TIGAR: variants seen among roughly 807,000 people sequenced by gnomAD.
The protein encoded by TIGAR is TP53 induced glycolysis regulatory phosphatase, also known as fructose-2,6-bisphosphatase TIGAR.
Under a neutral mutation model 17.9 loss-of-function variants are expected in TIGAR, and 7 were observed. That is an observed-to-expected ratio of 0.39 (90% CI 0.22 to 0.73). The LOEUF (loss-of-function observed/expected upper bound fraction) is 0.73. Among genes scored for constraint, TIGAR ranks in the 30% least tolerant of loss-of-function variants. The pLI, the probability that TIGAR is intolerant of heterozygous loss-of-function variation, is 0.42. For missense variants in TIGAR, 258 were observed against 327.4 expected (o/e 0.79, Z 1.64); for synonymous variants, 94 against 108.6 (o/e 0.87, Z 0.84).
intron 2 of TIGAR, among the ~76,000 whole-genome samples, chr12:4,336,204 C>T (rs577839101): frequency 3.4e-4 from 51 of 152,188 alleles, no homozygotes; most frequent in African/African-American, 1.2e-3. Context: ...TTTATTTTAC[C>T]ACAGGCCTGA....
chr12:4,359,451 G>A lies in TIGAR; in HGVS notation c.*6760G>A, dbSNP rs1591669393. Among the ~76,000 whole-genome samples, 1 of 151,782 alleles carries A rather than the reference G, an allele frequency of 6.6e-6. No individual in the cohort carries two copies. On this transcript the variant is annotated 3_prime_UTR_variant, in exon 6 of 6. Transcript: ENST00000179259. ...TCAGCTTTTTCTCTAAAGAGCCCTGGTTCTTTGGAAATGAAATGAAAGACG... is the reference window on the plus strand; with the variant it reads ...TCAGCTTTTTCTCTAAAGAGCCCTGATTCTTTGGAAATGAAATGAAAGACG...
chr12:4,341,954 T>C (rs1354010739), intron 3 of TIGAR, among the ~76,000 whole-genome samples: 1 of 152,146 alleles, frequency 6.6e-6, no homozygotes, highest in Non-Finnish European at 1.5e-5. Context: ...AAGGAGGAAG[T>C]TCGAACCCAT....
At chr12:4,346,083 A>G (rs916308531) in intron 3 of TIGAR, among the ~76,000 whole-genome samples, 2 of 152,188 alleles carry the variant, frequency 1.3e-5, no homozygotes, top group African/African-American at 4.8e-5. Flanking sequence ...TTAGAATGGC[A>G]ATCATTAAAA....
intron 1 of TIGAR, among the ~76,000 whole-genome samples, chr12:4,323,474 A>G (rs1864503724): frequency 6.6e-6 from 1 of 152,154 alleles, no homozygotes; most frequent in African/African-American, 2.4e-5. Flanking sequence ...TTAATAAATG[A>G]TTATTTGCCA....
intron 3 of TIGAR, among the ~76,000 whole-genome samples, chr12:4,343,186 A>G (rs558958030): frequency 2.0e-5 from 3 of 152,342 alleles, no homozygotes; most frequent in Admixed American, 1.3e-4. Flanking sequence ...AGTGCTAACT[A>G]TCTTAAATAT....
chr12:4,350,692 G>A (rs1031403676), intron 4 of TIGAR, among the ~76,000 whole-genome samples: 2 of 151,436 alleles, frequency 1.3e-5, no homozygotes, highest in South Asian at 2.1e-4. Context: ...CAAGAGAATC[G>A]TTTGAACCCA....
chr12:4,328,446 C>T (rs1469581776), intron 1 of TIGAR, among the ~76,000 whole-genome samples: 4 of 152,046 alleles, frequency 2.6e-5, no homozygotes, highest in Non-Finnish European at 5.9e-5. Context: ...CCCTCCTTGG[C>T]CTCCCAAAGT....
At chr12:4,336,446 G>GCGCACACACACACACA (rs1491292159) in intron 2 of TIGAR, among the ~76,000 whole-genome samples, 1 of 138,468 alleles carries the variant, frequency 7.2e-6, no homozygotes, top group African/African-American at 2.7e-5. Context: ...CAGCAATGCA[G>GCGCACACACACACACA]CACACACACA....
In TIGAR at chr12:4,345,974, A is replaced by T. The variant is rs145863595; in HGVS notation, c.193-3845A>T. On this transcript the variant is annotated intron_variant, in intron 3 of 5. Coordinates refer to ENST00000179259, the MANE Select transcript of TIGAR (RefSeq NM_020375.3). The stretch of plus-strand genomic sequence containing the variant: ...ATGAACAGACACTTCTCAAAAGAAG[A>T]AGTTTATGTAGCCAACAGACAGATG... Among the ~76,000 whole-genome samples, 1,093 of 152,380 alleles carry T rather than the reference A, an allele frequency of 7.2e-3. 11 individuals are homozygous for T. The highest frequency in any genetic ancestry group is 0.024 in the African/African-American group (997 of 41,594).
chr12:4,342,350 G>A (rs1463129785), intron 3 of TIGAR, among the ~76,000 whole-genome samples: 1 of 152,144 alleles, frequency 6.6e-6, no homozygotes, highest in Non-Finnish European at 1.5e-5. Flanking sequence ...AACCTAGCAA[G>A]GCAGGCCAAC....
chr12:4,354,188 G>A lies in TIGAR; in HGVS notation c.*1497G>A, dbSNP rs1200138110. The A allele has an allele frequency of 1.3e-5, 2 of 152,152 alleles. No homozygotes were observed. Among genetic ancestry groups the A allele is most frequent in the Non-Finnish European group, 2.9e-5 (2 of 68,022 alleles). 9.4% of individuals were successfully genotyped at this position (152,152 alleles called of 1,614,324 possible). A position where few individuals can be genotyped will look rare whatever the true frequency, so the allele number is the denominator to read the frequency against. On this transcript the variant is annotated 3_prime_UTR_variant, in exon 6 of 6. Transcript: ENST00000179259. ...CATTTTAAATCATATGTAAAATTCA[G>A]TATTATATTGTTCTTAGTGTGTCTA...
intron 3 of TIGAR, among the ~76,000 whole-genome samples, chr12:4,347,426 G>A (rs959577612): frequency 1.3e-5 from 2 of 152,204 alleles, no homozygotes; most frequent in Admixed American, 1.3e-4. Context: ...AGGTGTTGGG[G>A]AAGTGGGGAT....
At chr12:4,338,975 CACAAAAAAAAAA>C (rs1395888730) in intron 3 of TIGAR, among the ~76,000 whole-genome samples, 13 of 38,190 alleles carry the variant, frequency 3.4e-4, no homozygotes, top group South Asian at 1.4e-3. Flanking sequence ...AACTTTGTCT[CACAAAAAAAAAA>C]AAAAAAAAAA....
chr12:4,321,217 C>A lies in TIGAR; in HGVS notation c.-55C>A, dbSNP rs1019977687. ...CGGAAGTGGTGTGGGGGAGGTAGCC[C>A]GCAGTGCAGGGGCAGCGCGGCGCGG... On this transcript the variant is annotated 5_prime_UTR_variant, in exon 1 of 6. Transcript: ENST00000179259. This position sits in a 1 kb window ranked among gnomAD's most constrained non-coding sequence, Gnocchi z 5.2. The A allele has an allele frequency of 5.0e-6, 8 of 1,597,460 alleles. No individual in the cohort carries two copies. The highest frequency in any genetic ancestry group is 1.3e-5 in the African/African-American group (1 of 74,792).
At chr12:4,341,032 G>A (rs1333184394) in intron 3 of TIGAR, among the ~76,000 whole-genome samples, 1 of 152,130 alleles carries the variant, frequency 6.6e-6, no homozygotes, top group Non-Finnish European at 1.5e-5. Context: ...AGCAAAAATG[G>A]ACAAATGGGA....
chr12:4,335,712 C>T (rs1320730076), intron 2 of TIGAR: 1 of 152,244 alleles, frequency 6.6e-6, no homozygotes, highest in African/African-American at 2.4e-5. Flanking sequence ...GTTACAGCAA[C>T]TAAGACAAGG....
chr12:4,354,019 T>A lies in TIGAR; in HGVS notation c.*1328T>A, dbSNP rs1864868767. ...AAGATTGGTCTTTCAGAAATCTTTATCTAAATGAAGAAACTGTTCTACATG... is the reference window on the plus strand; with the variant it reads ...AAGATTGGTCTTTCAGAAATCTTTAACTAAATGAAGAAACTGTTCTACATG... On this transcript the variant is annotated 3_prime_UTR_variant, in exon 6 of 6. Coordinates refer to ENST00000179259, the MANE Select transcript of TIGAR (RefSeq NM_020375.3). The A allele has an allele frequency of 6.6e-6, 1 of 152,616 alleles. No individual in the cohort carries two copies. Among genetic ancestry groups the A allele is most frequent in the African/African-American group, 2.4e-5 (1 of 41,432 alleles). 9.5% of individuals were successfully genotyped at this position (152,616 alleles called of 1,614,324 possible).
At position 4,352,707 on chromosome 12, in the gene TIGAR, A is replaced by C; in HGVS notation, c.*16A>C. On this transcript the variant is annotated 3_prime_UTR_variant, in exon 6 of 6. Transcript: ENST00000179259. The stretch of plus-strand genomic sequence containing the variant: ...AACTCGCTAAGGTTAAATCTGCATC[A>C]AAATCTAACCATTTTGAGCCTCTGA... The C allele has an allele frequency of 6.3e-7, 1 of 1,589,256 alleles. No individual in the cohort carries two copies. The highest frequency in any genetic ancestry group is 8.5e-7 in the Non-Finnish European group (1 of 1,173,434).
intron 3 of TIGAR, among the ~76,000 whole-genome samples, chr12:4,347,499 C>G (rs570209323): frequency 1.9e-4 from 29 of 152,112 alleles, no homozygotes; most frequent in African/African-American, 5.8e-4. Context: ...AACAGGGTGG[C>G]TATAGTCAAT....
Sources: allele counts gnomAD v4.1 joint callset (sites outside exome capture counted in the v4.1 genomes callset), GRCh38; gene constraint gnomAD v4.1.1; non-coding constraint Gnocchi (gnomAD v3.1); transcripts MANE v1.5; gene names NCBI Gene and HGNC (gene_info 2026-07-23, HGNC 2026-07-21).